The following PEAK1 variants were observed in gnomAD, a reference collection of about 807,000 sequenced individuals.
The protein encoded by PEAK1 is inactive tyrosine-protein kinase PEAK1.
A neutral mutation model predicts 124.7 loss-of-function variants in PEAK1; 54 were observed. The ratio of observed to expected loss-of-function variants is 0.43; its 90% CI spans 0.35 to 0.54. PEAK1 has a LOEUF of 0.54. Ranked by LOEUF, PEAK1 falls within the 20% of genes least tolerant of loss-of-function variation. The pLI is 0.01. For synonymous variants in PEAK1, 719 were observed against 760.0 expected, an observed-to-expected ratio of 0.95 and a Z score of 0.89; for missense variants, 2,046 against 2,134.5, an observed-to-expected ratio of 0.96 and a Z score of 0.82.
intron 9 of PEAK1, among the ~76,000 whole-genome samples, chr15:77,127,866 G>C (rs2052520478): frequency 6.6e-6 from 1 of 152,088 alleles, no homozygotes; most frequent in Non-Finnish European, 1.5e-5. Flanking sequence ...GATCATCTGA[G>C]GTCAGGAGAT....
chr15:77,342,884 C>T (rs1196528920), intron 2 of PEAK1, among the ~76,000 whole-genome samples: 2 of 152,094 alleles, frequency 1.3e-5, no homozygotes, highest in African/African-American at 4.8e-5. Flanking sequence ...GGGTACCTTC[C>T]ACCTCTTAGC....
At chr15:77,308,669 C>T (rs1055691704) in intron 2 of PEAK1, among the ~76,000 whole-genome samples, 2 of 152,048 alleles carry the variant, frequency 1.3e-5, no homozygotes, top group South Asian at 2.1e-4. Context: ...CCGAGGTTTA[C>T]GAAGCAGTAA....
chr15:77,220,195 A>G (rs2059324343), intron 6 of PEAK1, among the ~76,000 whole-genome samples: 1 of 152,084 alleles, frequency 6.6e-6, no homozygotes, highest in South Asian at 2.1e-4. Flanking sequence ...TCTTCATGAG[A>G]AACTTGGTAA....
intron 9 of PEAK1, among the ~76,000 whole-genome samples, chr15:77,120,115 G>C (rs10519158): frequency 0.22 from 33,983 of 152,168 alleles, 4,238 homozygotes; most frequent in Middle Eastern, 0.31. Context: ...GAATGGCATG[G>C]TGTTACTCAT....
At chr15:77,277,352 G>A (rs892922823) in intron 5 of PEAK1, among the ~76,000 whole-genome samples, 2 of 152,054 alleles carry the variant, frequency 1.3e-5, no homozygotes, top group South Asian at 4.1e-4. Flanking sequence ...GGCAGCACAG[G>A]GATATCATTG....
At chr15:77,175,168 T>C (rs937354301) in intron 7 of PEAK1, among the ~76,000 whole-genome samples, 1 of 152,060 alleles carries the variant, frequency 6.6e-6, no homozygotes, top group Admixed American at 6.6e-5. Flanking sequence ...AACCCAGGCA[T>C]TACCATTCAG....
intron 5 of PEAK1, among the ~76,000 whole-genome samples, chr15:77,266,554 A>G (rs2061743735): frequency 1.3e-5 from 2 of 152,236 alleles, no homozygotes; most frequent in Non-Finnish European, 2.9e-5. Context: ...ATCTCATGAC[A>G]TAATGTCCAA....
chr15:77,399,451 G>A (rs578195879), intron 1 of PEAK1, among the ~76,000 whole-genome samples: 1 of 152,222 alleles, frequency 6.6e-6, no homozygotes, highest in Admixed American at 6.5e-5. Flanking sequence ...AAACAGCATG[G>A]TATTAGCATT....
chr15:77,134,416 A>T (rs1320336046), intron 8 of PEAK1, among the ~76,000 whole-genome samples: 1 of 152,238 alleles, frequency 6.6e-6, no homozygotes, highest in Non-Finnish European at 1.5e-5. Flanking sequence ...GGAACAGTGT[A>T]TATGAGCAGT....
chr15:77,122,707 C>G (rs1178830763), intron 9 of PEAK1, among the ~76,000 whole-genome samples: 1 of 152,184 alleles, frequency 6.6e-6, no homozygotes, highest in Non-Finnish European at 1.5e-5. Context: ...AAAACGGACA[C>G]AAAACTAGGA....
chr15:77,176,057 A>T (rs561735696), intron 7 of PEAK1, among the ~76,000 whole-genome samples: 6 of 152,018 alleles, frequency 3.9e-5, no homozygotes, highest in African/African-American at 1.4e-4. Flanking sequence ...AACAATGAGA[A>T]CACATGGACA....
At chr15:77,300,067 T>C (rs925823685) in intron 2 of PEAK1, among the ~76,000 whole-genome samples, 1 of 152,186 alleles carries the variant, frequency 6.6e-6, no homozygotes, top group African/African-American at 2.4e-5. Flanking sequence ...CAGCACATCT[T>C]GTCTTATGCT....
At chr15:77,243,094 T>C (rs1358281567) in intron 6 of PEAK1, among the ~76,000 whole-genome samples, 1 of 152,242 alleles carries the variant, frequency 6.6e-6, no homozygotes, top group African/African-American at 2.4e-5. Flanking sequence ...ATTGTGCTGC[T>C]ATCTTTCAGG....
At chr15:77,242,840 T>C (rs1400156546) in intron 6 of PEAK1, among the ~76,000 whole-genome samples, 1 of 152,172 alleles carries the variant, frequency 6.6e-6, no homozygotes, top group Admixed American at 6.5e-5. Context: ...ACACATGAAA[T>C]TGAAGTCAAC....
chr15:77,403,181 C>G (rs1398844798), intron 1 of PEAK1: 1 of 985,214 alleles, frequency 1.0e-6, no homozygotes, highest in East Asian at 1.1e-4. Flanking sequence ...TCATCTTGGC[C>G]TCCAATGAGA....
At chr15:77,213,496 C>T (rs1436062824) in intron 6 of PEAK1, among the ~76,000 whole-genome samples, 2 of 152,096 alleles carry the variant, frequency 1.3e-5, no homozygotes, top group Non-Finnish European at 2.9e-5. Flanking sequence ...CAAGACCAGC[C>T]TGGCCAAGAT....
In PEAK1 at chr15:77,164,129, T is replaced by C. The variant is rs183876086; in HGVS notation, c.3138-5433A>G. 2.4e-3 allele frequency among the ~76,000 whole-genome samples: 359 copies of C among 152,346 alleles called. 2 individuals are homozygous for C. Among genetic ancestry groups the C allele is most frequent in the African/African-American group, 8.3e-3 (347 of 41,582 alleles). On this transcript the variant is annotated intron_variant, in intron 7 of 9. Coordinates refer to ENST00000682557, the MANE Select transcript of PEAK1 (RefSeq NM_001385026.1). Reference sequence around the variant, plus strand: ...CTACCTTTAGGACCTCCTACGAATGTGACATTTCTTAATCTTTAGTTTCCA... The same window carrying C: ...CTACCTTTAGGACCTCCTACGAATGCGACATTTCTTAATCTTTAGTTTCCA...
At chr15:77,340,525 G>A (rs981550718) in intron 2 of PEAK1, among the ~76,000 whole-genome samples, 8 of 152,188 alleles carry the variant, frequency 5.3e-5, no homozygotes, top group African/African-American at 1.9e-4. Context: ...TATTCTGCTT[G>A]AATGGAATAT....
At chr15:77,198,535 TAA>T (rs917530655) in intron 6 of PEAK1, among the ~76,000 whole-genome samples, 3 of 152,136 alleles carry the variant, frequency 2.0e-5, no homozygotes, top group African/African-American at 4.8e-5. Context: ...AGGACCAGTA[TAA>T]AAAACAGAAA....
Sources: gnomAD v4.1 joint callset for allele counts (sites outside exome capture counted in the v4.1 genomes callset) on GRCh38, gnomAD v4.1.1 for gene constraint, MANE v1.5 for transcripts, NCBI Gene and HGNC (gene_info 2026-07-23, HGNC 2026-07-21) for gene names.